Variants in LUZP2 observed in about 807,000 individuals in gnomAD.
The protein encoded by LUZP2 is leucine zipper protein 2.
A neutral mutation model predicts 51.6 loss-of-function variants in LUZP2; 52 were observed. That is an observed-to-expected ratio of 1.01 (90% CI 0.81 to 1.27). LUZP2 has a LOEUF of 1.27. LUZP2 is among the 50% of genes most tolerant of loss of function. The probability of loss-of-function intolerance (pLI) is 0.00; values close to 1 mark genes in which losing one functional copy is unlikely to be tolerated. For missense variants in LUZP2, 436 were observed against 395.4 expected, an observed-to-expected ratio of 1.10 and a Z score of -0.87; for synonymous variants, 154 against 137.3, an observed-to-expected ratio of 1.12 and a Z score of -0.85.
At chr11:24,674,194 C>T (rs1856478164) in intron 1 of LUZP2, among the ~76,000 whole-genome samples, 1 of 152,056 alleles carries the variant, frequency 6.6e-6, no homozygotes, top group African/African-American at 2.4e-5. Flanking sequence ...TTACCATGGG[C>T]CTCTTGAAAT....
At chr11:24,884,752 G>A (rs1468540716) in intron 5 of LUZP2, among the ~76,000 whole-genome samples, 1 of 151,980 alleles carries the variant, frequency 6.6e-6, no homozygotes, top group Non-Finnish European at 1.5e-5. Context: ...AAAGACAGCT[G>A]AGTGTCACTT....
At chr11:24,713,568 C>T (rs557056187) in intron 1 of LUZP2, among the ~76,000 whole-genome samples, 17 of 151,710 alleles carry the variant, frequency 1.1e-4, no homozygotes, top group South Asian at 4.2e-4. Context: ...AGGCCAGACA[C>T]GGTGGCTCAC....
At chr11:24,780,593 T>C (rs182067381) in intron 5 of LUZP2, among the ~76,000 whole-genome samples, 229 of 152,280 alleles carry the variant, frequency 1.5e-3, no homozygotes, top group African/African-American at 5.4e-3. Flanking sequence ...GTGATAATGA[T>C]GGTTGATGAT....
chr11:24,809,497 T>C (rs896725000), intron 5 of LUZP2, among the ~76,000 whole-genome samples: 4 of 152,110 alleles, frequency 2.6e-5, no homozygotes, highest in Admixed American at 6.6e-5. Flanking sequence ...CTCCTATAAG[T>C]GCAAGTCTCA....
chr11:24,642,885 C>T, intron 1 of LUZP2, among the ~76,000 whole-genome samples: 1 of 152,084 alleles, frequency 6.6e-6, no homozygotes. Context: ...TTGCTGGAGA[C>T]AGCTCAGGAT....
At chr11:25,041,299 A>G (rs752335544) in intron 9 of LUZP2, among the ~76,000 whole-genome samples, 4 of 152,138 alleles carry the variant, frequency 2.6e-5, no homozygotes, top group Non-Finnish European at 5.9e-5. Context: ...AATAATTAAT[A>G]ATAAAATAGA....
intron 6 of LUZP2, among the ~76,000 whole-genome samples, chr11:24,906,380 CCT>C (rs1001198168): frequency 2.7e-5 from 4 of 150,390 alleles, no homozygotes; most frequent in Non-Finnish European, 5.9e-5. Flanking sequence ...TTTTTTTTCC[CCT>C]CTCTTGTACT....
chr11:24,552,157 A>G (rs2133749872), intron 1 of LUZP2, among the ~76,000 whole-genome samples: 1 of 152,170 alleles, frequency 6.6e-6, no homozygotes, highest in South Asian at 2.1e-4. Context: ...TTTCTTCCAA[A>G]TGTAGATTCA....
chr11:24,937,336 T>C (rs1357794358), intron 7 of LUZP2, among the ~76,000 whole-genome samples: 1 of 152,182 alleles, frequency 6.6e-6, no homozygotes, highest in East Asian at 1.9e-4. Context: ...TTCACTTACC[T>C]GGAAACTAAG....
chr11:24,856,250 A>G (rs1338473756), intron 5 of LUZP2, among the ~76,000 whole-genome samples: 1 of 152,038 alleles, frequency 6.6e-6, no homozygotes, highest in Non-Finnish European at 1.5e-5. Context: ...ACAACAAGAA[A>G]CAACTCCATT....
intron 5 of LUZP2, among the ~76,000 whole-genome samples, chr11:24,839,783 G>T (rs1278702490): frequency 6.6e-6 from 1 of 151,638 alleles, no homozygotes; most frequent in East Asian, 1.9e-4. Context: ...GTTTATTCTT[G>T]TCTGCTCTTT....
chr11:24,950,466 C>G (rs1182043834), intron 7 of LUZP2, among the ~76,000 whole-genome samples: 1 of 151,536 alleles, frequency 6.6e-6, no homozygotes, highest in Non-Finnish European at 1.5e-5. Flanking sequence ...ATCAAAGTGA[C>G]AGCTCCAAGC....
At chr11:24,786,228 T>A in intron 5 of LUZP2, 2 of 965,032 alleles carry the variant, frequency 2.1e-6, no homozygotes, top group Non-Finnish European at 2.5e-6. Context: ...GTTAACTTAA[T>A]TTCCCATCGT....
At position 25,050,104 on chromosome 11, in the gene LUZP2, A is replaced by G; in HGVS notation, c.832A>G (p.Ser278Gly). ...TGAGTCAACAAAGGAAGGAAATCCA[A>G]GTACCACTGCCTGTGACTCTCAAGA... ...QVESTKEGNP[S>G]TTACDSQDEG... The change falls in exon 10 of 12, where the codon AGT becomes GGT. Residue 278 changes from serine (S) to glycine (G), a missense_variant. Physicochemically the swap from Ser to Gly is moderately conservative, Grantham distance 56. Transcript: ENST00000336930. The G allele has an allele frequency of 3.1e-6, 5 of 1,601,700 alleles. No individual in the cohort carries two copies. Among genetic ancestry groups the G allele is most frequent in the Non-Finnish European group, 3.4e-6 (4 of 1,173,488 alleles).
chr11:24,553,497 A>T (rs1351600216), intron 1 of LUZP2, among the ~76,000 whole-genome samples: 1 of 152,144 alleles, frequency 6.6e-6, no homozygotes, highest in Non-Finnish European at 1.5e-5. Context: ...TTTAAAATCA[A>T]TTAGAAATTT....
At chr11:24,936,774 T>G (rs1019754485) in intron 7 of LUZP2, among the ~76,000 whole-genome samples, 4 of 152,156 alleles carry the variant, frequency 2.6e-5, no homozygotes, top group African/African-American at 9.7e-5. Context: ...TACTCTGAAC[T>G]CGTGCAGTTT....
At chr11:24,882,510 C>T (rs78956070) in intron 5 of LUZP2, among the ~76,000 whole-genome samples, 3,358 of 152,070 alleles carry the variant, frequency 0.022, 54 homozygotes, top group Non-Finnish European at 0.038. Context: ...TTCTGTACAT[C>T]CTGTGTGTTT....
chr11:24,848,234 C>T (rs1437842481), intron 5 of LUZP2, among the ~76,000 whole-genome samples: 1 of 152,202 alleles, frequency 6.6e-6, no homozygotes, highest in Middle Eastern at 3.4e-3. Flanking sequence ...TAAAACATAA[C>T]GCTTTCACAC....
At position 24,786,170 on chromosome 11, in the gene LUZP2, C is replaced by T. The variant is rs575216024; in HGVS notation, c.396+22862C>T. ...TTGTAAAATATATGTCTCAGGGAAA[C>T]CTAAAACCAAGAAGCATATTATATA... is the stretch of plus-strand genomic sequence containing the variant. On this transcript the variant is annotated intron_variant, in intron 5 of 11. Coordinates refer to ENST00000336930, the MANE Select transcript of LUZP2 (RefSeq NM_001009909.4). 7.3e-5 allele frequency: 72 copies of T among 982,450 alleles called. No individual in the cohort carries two copies. In the South Asian group the frequency reaches 3.2e-3, roughly 43 times the overall value. The allele number at this position is 982,450 out of a possible 1,614,324, so 60.9% of individuals were successfully genotyped here. A position where few individuals can be genotyped will look rare whatever the true frequency, so the allele number is the denominator to read the frequency against.
Sources: allele counts gnomAD v4.1 joint callset (sites outside exome capture counted in the v4.1 genomes callset), GRCh38; gene constraint gnomAD v4.1.1; transcripts MANE v1.5; gene names NCBI Gene and HGNC (gene_info 2026-07-23, HGNC 2026-07-21).